Variants in ZNF692 observed in about 807,000 individuals in gnomAD.
ZNF692 encodes the protein zinc finger protein 692, also known as AICAR responsive element binding protein.
Under a neutral mutation model 49.0 loss-of-function variants are expected in ZNF692, and 41 were observed. The ratio of observed to expected loss-of-function variants is 0.84; its 90% CI spans 0.65 to 1.08. ZNF692 has a LOEUF of 1.08. Among genes scored for constraint, ZNF692 ranks in the 50% least tolerant of loss-of-function variants. ZNF692 has a pLI of 0.00. For synonymous variants in ZNF692, 288 were observed against 251.5 expected (o/e 1.15, Z -1.37); for missense variants, 662 against 662.2 (o/e 1.00, Z 0.00).
At chr1:248,854,266 A>C in intron 9 of ZNF692, 1 of 508,390 alleles carries the variant, frequency 2.0e-6, no homozygotes, top group Non-Finnish European at 3.6e-6. Flanking sequence ...TGACCACTCA[A>C]CTCTCCTGTC....
Position 248,858,275 on chromosome 1 carries a change from C to A in ZNF692, c.35G>T (p.Arg12Met). 6.3e-7 allele frequency: 1 copy of A among 1,583,464 alleles called. No homozygotes were observed. The highest frequency in any genetic ancestry group is 1.3e-5 in the African/African-American group (1 of 74,520). Residue 12 changes from arginine to methionine, a missense_variant, in exon 2 of 12, where the codon AGG becomes ATG. Arg to Met is a moderately conservative substitution (Grantham distance 91). Transcript: ENST00000306601. This position sits in a 1 kb window ranked among gnomAD's most constrained non-coding sequence, Gnocchi z 4.3. ...ASSPAVDVSC[R>M]RREKRRQLDA... Reference sequence around the variant, plus strand: ...CAGCTGCCGCCGCTTCTCCCGCCGCCTGCAGGACACGTCCACCGCCGGGGA... The same window carrying A: ...CAGCTGCCGCCGCTTCTCCCGCCGCATGCAGGACACGTCCACCGCCGGGGA...
chr1:248,854,028 G>C lies in ZNF692; in HGVS notation c.1062C>G (p.Ile354Met), dbSNP rs780345763. The stretch of plus-strand genomic sequence containing the variant: ...CTGGGCAGGAGAAAGACTTCTGGTG[G>C]ATGTGCTGGTACTTTTTGTGGTGCT... ...YLNHHKKYQHIHQKSFSCPEP... is the reference protein window; with the variant it reads ...YLNHHKKYQHMHQKSFSCPEP... Residue 354 changes from isoleucine to methionine, a missense_variant, in exon 10 of 12, where the codon ATC (isoleucine) becomes ATG (methionine). Coordinates refer to ENST00000306601, the MANE Select transcript of ZNF692 (RefSeq NM_017865.4). 6.2e-7 allele frequency: 1 copy of C among 1,614,162 alleles called. No individual in the cohort carries two copies. Among genetic ancestry groups the C allele is most frequent in the Admixed American group, 1.7e-5 (1 of 60,032 alleles).
rs1166622228 is a variant in ZNF692, at chr1:248,858,524, G to A, written c.-12-203C>T. On this transcript the variant is annotated intron_variant, in intron 1 of 11. Transcript: ENST00000306601. This position sits in a 1 kb window ranked among gnomAD's most constrained non-coding sequence, Gnocchi z 4.3. ...AGCTCAGCGCTACCATGTGAGTGTC[G>A]TCGGGTGGGAGGCAGGCAGACAGAA... 3.9e-6 allele frequency: 6 copies of A among 1,551,730 alleles called. No homozygotes were observed. Among genetic ancestry groups the A allele is most frequent in the Non-Finnish European group, 5.2e-6 (6 of 1,147,008 alleles).
Position 248,857,502 on chromosome 1 carries a change from A to C in ZNF692, c.212-5T>G. 1 of 1,609,418 alleles carries C rather than the reference A, an allele frequency of 6.2e-7. No homozygotes were observed. Among genetic ancestry groups the C allele is most frequent in the Non-Finnish European group, 8.5e-7 (1 of 1,177,208 alleles). ...TTGGAGGCAAAGGCTCAGGACCTGG[A>C]GGGGTGGGGGAAGCAGTCAGGCTGA... On this transcript the variant is annotated splice_region_variant and splice_polypyrimidine_tract_variant and intron_variant, in intron 3 of 11. Coordinates refer to ENST00000306601, the MANE Select transcript of ZNF692 (RefSeq NM_017865.4).
intron 10 of ZNF692, among the ~76,000 whole-genome samples, chr1:248,851,290 C>T (rs973049946): frequency 3.3e-5 from 5 of 152,206 alleles, no homozygotes; most frequent in South Asian, 2.1e-4. Context: ...CAAACCCTAT[C>T]GGTGCCCTGT....
intron 10 of ZNF692, among the ~76,000 whole-genome samples, chr1:248,851,264 C>T (rs1659551836): frequency 1.3e-5 from 2 of 152,138 alleles, no homozygotes; most frequent in African/African-American, 4.8e-5. Flanking sequence ...TTTAGGCTTG[C>T]ATATCCCACC....
At chr1:248,851,429 G>A (rs6656768) in intron 10 of ZNF692, among the ~76,000 whole-genome samples, 1,798 of 152,196 alleles carry the variant, frequency 0.012, 42 homozygotes, top group African/African-American at 0.041. Context: ...ACAGGCTGCT[G>A]TGGTTTCTCT....
intron 6 of ZNF692, 137 bp from the exon 7 acceptor site, chr1:248,856,083 C>T: frequency 8.4e-7 from 1 of 1,187,670 alleles, no homozygotes; most frequent in Non-Finnish European, 1.2e-6. Context: ...CCATTCATAT[C>T]TGCTTTCAGC....
Position 248,858,767 on chromosome 1 carries a change from G to A in ZNF692, c.-13+151C>T. On this transcript the variant is annotated intron_variant, in intron 1 of 11. Coordinates refer to ENST00000306601, the MANE Select transcript of ZNF692 (RefSeq NM_017865.4). The surrounding 1 kb of genome is among the most constrained non-coding windows in gnomAD (Gnocchi z 4.3). ...CATAGTTGGGTCGAGTGGCGGTGAG[G>A]CCGTGGTCAGAGGTCTGGAGGGCGC... 1 of 615,884 alleles carries A rather than the reference G, an allele frequency of 1.6e-6. No homozygotes were observed. The highest frequency in any genetic ancestry group is 1.9e-5 in the South Asian group (1 of 52,922). 38.2% of individuals were successfully genotyped at this position (615,884 alleles called of 1,614,324 possible).
At position 248,850,120 on chromosome 1, in the gene ZNF692, G is replaced by C; in HGVS notation, c.*90C>G. On this transcript the variant is annotated 3_prime_UTR_variant, in exon 12 of 12. Transcript: ENST00000306601. ...TGTCGCCTTAGTTCCTGGGGACCAA[G>C]CATCTGGCATTTCTCAAGCAGACCC... 7.0e-7 allele frequency: 1 copy of C among 1,419,946 alleles called. No homozygotes were observed. Among genetic ancestry groups the C allele is most frequent in the East Asian group, 2.4e-5 (1 of 42,122 alleles). The allele number at this position is 1,419,946 out of a possible 1,614,324, so 88.0% of individuals were successfully genotyped here.
intron 10 of ZNF692, among the ~76,000 whole-genome samples, chr1:248,852,510 G>A (rs1391305068): frequency 6.6e-6 from 1 of 152,022 alleles, no homozygotes; most frequent in East Asian, 1.9e-4. Context: ...TCCATGCCCT[G>A]AGCCCACAGC....
At chr1:248,850,844 C>T (rs45621837) in intron 10 of ZNF692, 63 bp from the exon 11 acceptor site, 1 of 1,419,184 alleles carries the variant, frequency 7.0e-7, no homozygotes, top group Admixed American at 1.9e-5. Context: ...CTTGGCCCAC[C>T]CCACCCACTG....
Position 248,857,440 on chromosome 1 carries a change from T to C in ZNF692, c.269A>G (p.His90Arg). 1 of 1,613,962 alleles carries C rather than the reference T, an allele frequency of 6.2e-7. No homozygotes were observed. The highest frequency in any genetic ancestry group is 8.5e-7 in the Non-Finnish European group (1 of 1,180,012). ...GGGCACCAGGCTGCACTCTCGGCTG[T>C]GGGCATGAGACAAGAGCACCAGATA... is the stretch of plus-strand genomic sequence containing the variant. Reference protein sequence around the residue: ...LQYLVLLSHAHSRECSLVPGL... With the variant: ...LQYLVLLSHARSRECSLVPGL... Residue 90 changes from histidine to arginine, a missense_variant, in exon 4 of 12, where the codon CAC becomes CGC. His to Arg is a conservative substitution (Grantham distance 29). Transcript: ENST00000306601.
chr1:248,852,128 C>G (rs1659671085), intron 10 of ZNF692, among the ~76,000 whole-genome samples: 2 of 152,190 alleles, frequency 1.3e-5, no homozygotes, highest in African/African-American at 4.8e-5. Flanking sequence ...CATCTAAAAC[C>G]ACAAGTCTTA....
rs200365275 is a variant in ZNF692 at position 248,858,296 on chromosome 1, G to A, written c.14C>T (p.Pro5Leu). MASSPAVDVSCRRRE... is the reference protein window; with the variant it reads MASSLAVDVSCRRRE... ...CCGCCTGCAGGACACGTCCACCGCC[G>A]GGGAGGAAGCCATGTGCACCAGAGG... Residue 5 changes from proline (P) to leucine (L), a missense_variant, in exon 2 of 12, where the codon CCG (proline) becomes CTG (leucine). Coordinates refer to ENST00000306601, the MANE Select transcript of ZNF692 (RefSeq NM_017865.4). This position sits in a 1 kb window ranked among gnomAD's most constrained non-coding sequence, Gnocchi z 4.3. The A allele has an allele frequency of 3.6e-5, 57 of 1,567,666 alleles. No individual in the cohort carries two copies. Among genetic ancestry groups the A allele is most frequent in the African/African-American group, 3.5e-4 (26 of 74,240 alleles).
chr1:248,853,969 T>C lies in ZNF692; in HGVS notation c.1121A>G (p.Lys374Arg). Residue 374 changes from lysine (K) to arginine (R), a missense_variant, in exon 10 of 12, where the codon AAA (lysine) becomes AGA (arginine). Physicochemically the swap from Lys to Arg is conservative, Grantham distance 26 (BLOSUM62 2). Transcript: ENST00000306601. The stretch of plus-strand genomic sequence containing the variant: ...CAGCTTCATGTGCTCCTTCAGGTGT[T>C]TCTTAAAGTTGAAAGACTTCCCACA... ...PACGKSFNFK[K>R]HLKEHMKLHS... 7 of 1,614,158 alleles carry C rather than the reference T, an allele frequency of 4.3e-6. No individual in the cohort carries two copies. Among genetic ancestry groups the C allele is most frequent in the Non-Finnish European group, 5.9e-6 (7 of 1,180,002 alleles).
chr1:248,858,478 T>G lies in ZNF692; in HGVS notation c.-12-157A>C, dbSNP rs1385504150. On this transcript the variant is annotated intron_variant, in intron 1 of 11. Transcript: ENST00000306601. This position sits in a 1 kb window ranked among gnomAD's most constrained non-coding sequence, Gnocchi z 4.3. ...GCAGGTGTGGAGCCAAACCCCGTCC[T>G]TCTATGATACAGGGTGTTGAAGCTC... is the stretch of plus-strand genomic sequence containing the variant. 6.4e-7 allele frequency: 1 copy of G among 1,551,706 alleles called. No homozygotes were observed. The highest frequency in any genetic ancestry group is 1.2e-5 in the South Asian group (1 of 84,056).
At position 248,850,361 on chromosome 1, in the gene ZNF692, CTT is replaced by C; in HGVS notation, c.1407_1408del (p.His471ProfsTer?). ...AGGGGCTAGAAGCAGGGCTGGGTGA[CTT>C]TTGCTACGGTGGGCTGCAACACTGT... On this transcript the variant is annotated frameshift_variant, in exon 12 of 12. Transcript: ENST00000306601. LOFTEE classifies it low-confidence loss of function (END_TRUNC). 1.9e-6 allele frequency: 3 copies of C among 1,614,108 alleles called. No individual in the cohort carries two copies. Among genetic ancestry groups the C allele is most frequent in the Non-Finnish European group, 2.5e-6 (3 of 1,180,018 alleles).
chr1:248,858,279 A>C lies in ZNF692; in HGVS notation c.31T>G (p.Cys11Gly). 1 of 1,583,124 alleles carries C rather than the reference A, an allele frequency of 6.3e-7. No individual in the cohort carries two copies. ...TGCCGCCGCTTCTCCCGCCGCCTGC[A>C]GGACACGTCCACCGCCGGGGAGGAA... is the stretch of plus-strand genomic sequence containing the variant. MASSPAVDVS[C>G]RRREKRRQLD... Residue 11 changes from cysteine to glycine, a missense_variant, in exon 2 of 12, where the codon TGC (cysteine) becomes GGC (glycine). Transcript: ENST00000306601. This position sits in a 1 kb window ranked among gnomAD's most constrained non-coding sequence, Gnocchi z 4.3.
Sources: allele counts gnomAD v4.1 joint callset (sites outside exome capture counted in the v4.1 genomes callset), GRCh38; gene constraint gnomAD v4.1.1; non-coding constraint Gnocchi (gnomAD v3.1); transcripts MANE v1.5; gene names NCBI Gene and HGNC (gene_info 2026-07-23, HGNC 2026-07-21).